The following ERAP1 variants were observed in gnomAD, a reference collection of about 807,000 sequenced individuals.
ERAP1 encodes adipocyte-derived leucine aminopeptidase.
Under a neutral mutation model 103.7 loss-of-function variants are expected in ERAP1, and 86 were observed. The observed-to-expected ratio is 0.83, with a 90% CI of 0.70 to 0.99. The LOEUF is 0.99. ERAP1 is among the 50% of genes least tolerant of loss of function. ERAP1 has a pLI of 0.00. For synonymous variants in ERAP1, 398 were observed against 402.4 expected, an observed-to-expected ratio of 0.99 and a Z score of 0.13; for missense variants, 1,009 against 1,128.4, an observed-to-expected ratio of 0.89 and a Z score of 1.52.
At chr5:96,863,246 C>T in the ERAP1 span, among the ~76,000 whole-genome samples, 1 of 152,060 alleles carries the variant, frequency 6.6e-6, no homozygotes, top group African/African-American at 2.4e-5. Context: ...TGCACCCTCC[C>T]TCACAATTTG....
chr5:96,906,649 T>A, the ERAP1 span, among the ~76,000 whole-genome samples: 14 of 152,146 alleles, frequency 9.2e-5, no homozygotes, highest in African/African-American at 3.4e-4. Flanking sequence ...AAGACAGGGG[T>A]CTTGGATAAG....
chr5:96,785,410 T>C, intron 13 of ERAP1: 1 of 326,096 alleles, frequency 3.1e-6, no homozygotes, highest in Non-Finnish European at 6.0e-6. Context: ...TCAAGGCTGT[T>C]ATAAAGACCC....
chr5:96,889,749 G>A, the ERAP1 span, among the ~76,000 whole-genome samples: 3 of 152,058 alleles, frequency 2.0e-5, no homozygotes, highest in African/African-American at 7.2e-5. Flanking sequence ...TCTTCTGTGG[G>A]AGGGAAACAC....
At chr5:96,822,636 G>A in the ERAP1 span, among the ~76,000 whole-genome samples, 1 of 152,170 alleles carries the variant, frequency 6.6e-6, no homozygotes, top group Non-Finnish European at 1.5e-5. Context: ...AGCACTTTGG[G>A]AGGCTGAGGC....
intron 1 of ERAP1, 129 bp downstream of exon 1, chr5:96,807,731 C>A: frequency 3.4e-6 from 2 of 593,286 alleles, no homozygotes; most frequent in Non-Finnish European, 4.3e-6. Flanking sequence ...CTCCCTCCTC[C>A]CGTGCCCCGT....
downstream of ERAP1, chr5:96,770,655 GGGT>G: frequency 8.3e-7 from 1 of 1,200,978 alleles, no homozygotes; most frequent in Middle Eastern, 1.9e-4. Flanking sequence ...ACACAGAGTA[GGGT>G]TTATCATTTC....
chr5:96,770,227 T>G, downstream of ERAP1: 1 of 329,812 alleles, frequency 3.0e-6, no homozygotes, highest in Non-Finnish European at 5.9e-6. Flanking sequence ...TTGCCGACAT[T>G]TATTATCTAT....
At chr5:96,801,167 C>T (rs929800131) in intron 2 of ERAP1, among the ~76,000 whole-genome samples, 167 bp from the exon 3 acceptor site, 1 of 152,152 alleles carries the variant, frequency 6.6e-6, no homozygotes, top group Non-Finnish European at 1.5e-5. Context: ...AGACGAGTTA[C>T]ACTGGGCATG....
the ERAP1 span, among the ~76,000 whole-genome samples, chr5:96,931,483 G>A: frequency 6.6e-6 from 1 of 152,110 alleles, no homozygotes; most frequent in Non-Finnish European, 1.5e-5. Flanking sequence ...TTAAGTAAAA[G>A]GCATGGTTTA....
At chr5:96,819,206 G>A in the ERAP1 span, among the ~76,000 whole-genome samples, 3 of 152,056 alleles carry the variant, frequency 2.0e-5, no homozygotes, top group Non-Finnish European at 2.9e-5. Context: ...TTCCAGGCGT[G>A]AGCCACCACA....
rs750932679 is a variant in ERAP1 at position 96,792,049 on chromosome 5, A to G, written c.1320+12T>C. 19 of 1,613,686 alleles carry G rather than the reference A, an allele frequency of 1.2e-5. No individual in the cohort carries two copies. The highest frequency in any genetic ancestry group is 8.3e-5 in the Admixed American group (5 of 59,992). On this transcript the variant is annotated intron_variant, in intron 8 of 18. Transcript: ENST00000443439. ...TATCTAAACTGTATCCTTATACTCAATCTACTTTTACCTTATCATAAGAAA... is the reference window on the plus strand; with the variant it reads ...TATCTAAACTGTATCCTTATACTCAGTCTACTTTTACCTTATCATAAGAAA...
the ERAP1 span, among the ~76,000 whole-genome samples, chr5:96,913,656 G>T: frequency 6.6e-6 from 1 of 152,208 alleles, no homozygotes; most frequent in African/African-American, 2.4e-5. Context: ...ATAAGGGAAT[G>T]GGAAACAGCC....
At chr5:96,838,476 A>G in the ERAP1 span, among the ~76,000 whole-genome samples, 1 of 152,332 alleles carries the variant, frequency 6.6e-6, no homozygotes, top group South Asian at 2.1e-4. Flanking sequence ...ATTTGTATGT[A>G]ATAGATATAA....
the ERAP1 span, among the ~76,000 whole-genome samples, chr5:96,896,072 G>A: frequency 1.3e-5 from 2 of 152,130 alleles, no homozygotes; most frequent in Non-Finnish European, 2.9e-5. Flanking sequence ...GTCTAGGCAC[G>A]TAACAAGTAT....
the ERAP1 span, among the ~76,000 whole-genome samples, chr5:96,845,492 C>T: frequency 1.3e-5 from 2 of 152,210 alleles, no homozygotes; most frequent in South Asian, 4.1e-4. Context: ...ACCTTGGCCT[C>T]GCAAAGTGCT....
chr5:96,823,048 TGGA>T, the ERAP1 span: 33 of 456,178 alleles, frequency 7.2e-5, no homozygotes, highest in African/African-American at 4.8e-4. Flanking sequence ...GGCTGTTGAC[TGGA>T]GGCCGCCCTC....
intron 7 of ERAP1, 89 bp from the exon 8 acceptor site, chr5:96,792,281 G>T: frequency 7.6e-7 from 1 of 1,313,506 alleles, no homozygotes; most frequent in Middle Eastern, 1.8e-4. Context: ...GAGGCAAGAA[G>T]TCCATACTTC....
the ERAP1 span, among the ~76,000 whole-genome samples, chr5:96,836,939 G>T: frequency 2.0e-5 from 3 of 152,052 alleles, no homozygotes; most frequent in Non-Finnish European, 4.4e-5. Flanking sequence ...AAGCCTTGAG[G>T]TCACTGAAAA....
At chr5:96,890,309 C>A in the ERAP1 span, among the ~76,000 whole-genome samples, 2 of 152,196 alleles carry the variant, frequency 1.3e-5, no homozygotes, top group East Asian at 3.9e-4. Context: ...ATAAGGAACA[C>A]GCAACTTAGA....
Sources: allele counts gnomAD v4.1 joint callset (sites outside exome capture counted in the v4.1 genomes callset), GRCh38; gene constraint gnomAD v4.1.1; transcripts MANE v1.5; gene names NCBI Gene and HGNC (gene_info 2026-07-23, HGNC 2026-07-21).